The following ANKRD50 variants were observed in gnomAD, a reference collection of about 807,000 sequenced individuals.
ANKRD50 encodes the protein ankyrin repeat domain-containing protein 50.
In ANKRD50, 40 loss-of-function variants were observed where a neutral mutation model predicts 112.0. The ratio of observed to expected loss-of-function variants is 0.36; its 90% CI spans 0.28 to 0.46. ANKRD50 has a LOEUF of 0.46. Among genes scored for constraint, ANKRD50 ranks in the 20% least tolerant of loss-of-function variants. The pLI is 1.00. For synonymous variants in ANKRD50, 613 were observed against 619.1 expected, an observed-to-expected ratio of 0.99 and a Z score of 0.15; for missense variants, 1,487 against 1,701.7, an observed-to-expected ratio of 0.87 and a Z score of 2.22.
intron 2 of ANKRD50, among the ~76,000 whole-genome samples, chr4:124,701,512 T>C (rs1398459810): frequency 1.3e-5 from 2 of 152,186 alleles, no homozygotes; most frequent in East Asian, 3.9e-4. Flanking sequence ...TTAAAGACTA[T>C]ACTTAGCTAA....
intron 2 of ANKRD50, among the ~76,000 whole-genome samples, chr4:124,694,448 T>C (rs1485423467): frequency 1.3e-5 from 2 of 152,194 alleles, no homozygotes; most frequent in African/African-American, 4.8e-5. Context: ...AATCTCTAGC[T>C]TGCCAAGAAA....
intron 2 of ANKRD50, among the ~76,000 whole-genome samples, chr4:124,690,311 A>C (rs1220419133): frequency 6.6e-6 from 1 of 152,258 alleles, no homozygotes; most frequent in Non-Finnish European, 1.5e-5. Context: ...CCCAGCTTCC[A>C]GAAAAATGGC....
intron 2 of ANKRD50, among the ~76,000 whole-genome samples, chr4:124,687,238 A>G (rs908808441): frequency 1.3e-5 from 2 of 152,186 alleles, no homozygotes. Context: ...AGGTAATTCA[A>G]TTGAGAAAGG....
rs147708045 is a variant in ANKRD50, at chr4:124,689,388, C to T, written c.513-10483G>A. Among the ~76,000 whole-genome samples the T allele has an allele frequency of 5.4e-3, 817 of 152,248 alleles. 5 individuals carry two copies. Among genetic ancestry groups the T allele is most frequent in the Non-Finnish European group, 9.5e-3 (643 of 68,012 alleles). On this transcript the variant is annotated intron_variant, in intron 2 of 4. Coordinates refer to ENST00000504087, the MANE Select transcript of ANKRD50 (RefSeq NM_020337.3). The stretch of plus-strand genomic sequence containing the variant: ...TGTGATGGTTCATTTTATGTGCCAA[C>T]TTGACTGGGTGACAGGGTGCCCAGA...
chr4:124,702,771 G>A (rs1272262081), intron 2 of ANKRD50, among the ~76,000 whole-genome samples: 1 of 152,118 alleles, frequency 6.6e-6, no homozygotes, highest in East Asian at 1.9e-4. Context: ...TTTGTTCAAT[G>A]TATTTTACCT....
intron 2 of ANKRD50, among the ~76,000 whole-genome samples, chr4:124,709,081 A>C (rs1725569886): frequency 6.6e-6 from 1 of 151,194 alleles, no homozygotes; most frequent in Admixed American, 6.6e-5. Flanking sequence ...ACACACACAC[A>C]AACCTCCAGT....
rs767573228 is a variant in ANKRD50, at chr4:124,670,109, C to T, written c.3168G>A (p.Gly1056=). 5.0e-6 allele frequency: 8 copies of T among 1,613,368 alleles called. No homozygotes were observed. Among genetic ancestry groups the T allele is most frequent in the Middle Eastern group, 1.7e-4 (1 of 6,050 alleles). The change falls in exon 4 of 5, where the codon GGG becomes GGA. Residue 1056 remains glycine, a synonymous_variant. Coordinates refer to ENST00000504087, the MANE Select transcript of ANKRD50 (RefSeq NM_020337.3). ...ATAAGACCTGAACAACATCAATGTGCCCTTCCTGGGCTGCAATACAGAGTG... is the reference window on the plus strand; with the variant it reads ...ATAAGACCTGAACAACATCAATGTGTCCTTCCTGGGCTGCAATACAGAGTG... ...ATALCIAAQE[G]HIDVVQVLLE...
In ANKRD50 at chr4:124,671,118, C is replaced by A. The variant is rs1560818814; in HGVS notation, c.2159G>T (p.Cys720Phe). 6.2e-7 allele frequency: 1 copy of A among 1,613,820 alleles called. No individual in the cohort carries two copies. Among genetic ancestry groups the A allele is most frequent in the Admixed American group, 1.7e-5 (1 of 59,946 alleles). The change falls in exon 4 of 5, where the codon TGT becomes TTT. Residue 720 changes from cysteine to phenylalanine, a missense_variant. By Grantham distance (205) the Cys-to-Phe change is radical. Coordinates refer to ENST00000504087, the MANE Select transcript of ANKRD50 (RefSeq NM_020337.3). ...GRTALSVAAL[C>F]VPASKGHASV... Reference sequence around the variant, plus strand: ...TGCGTGCCCTTTACTTGCAGGCACACAAAGTGCAGCTACAGAGAGTGCAGT... The same window carrying A: ...TGCGTGCCCTTTACTTGCAGGCACAAAAAGTGCAGCTACAGAGAGTGCAGT...
rs143600791 is a variant in ANKRD50, at chr4:124,702,219, T to C, written c.512+7781A>G. On this transcript the variant is annotated intron_variant, in intron 2 of 4. Transcript: ENST00000504087. The stretch of plus-strand genomic sequence containing the variant: ...AAATTTGAATTTGTTATGTGGGTTA[T>C]CACAGGCTCAGAGGAATGTCCTAAA... Among the ~76,000 whole-genome samples the C allele has an allele frequency of 9.2e-5, 14 of 152,320 alleles. No homozygotes were observed. In the East Asian group the frequency reaches 2.7e-3, roughly 29 times the overall value.
In ANKRD50 at chr4:124,665,083, G is replaced by A. The variant is rs1281456580; in HGVS notation, c.*2435C>T. ...TCTATTAAGGAGTTTTATATTTGGA[G>A]GACAATTTTTACTTTTTAATGGAGC... On this transcript the variant is annotated 3_prime_UTR_variant, in exon 5 of 5. Transcript: ENST00000504087. 1 of 151,692 alleles carries A rather than the reference G, an allele frequency of 6.6e-6. No individual in the cohort carries two copies. The highest frequency in any genetic ancestry group is 1.5e-5 in the Non-Finnish European group (1 of 67,772). The allele number at this position is 151,692 out of a possible 1,614,324, so 9.4% of individuals were successfully genotyped here. A position where few individuals can be genotyped will look rare whatever the true frequency, so the allele number is the denominator to read the frequency against.
chr4:124,693,741 CT>C (rs1725189162), intron 2 of ANKRD50, among the ~76,000 whole-genome samples: 1 of 152,068 alleles, frequency 6.6e-6, no homozygotes, highest in Non-Finnish European at 1.5e-5. Context: ...TTTATCCATT[CT>C]GATTCTGAAG....
In ANKRD50 at chr4:124,669,961, T is replaced by C; in HGVS notation, c.3316A>G (p.Asn1106Asp). 1.9e-6 allele frequency: 3 copies of C among 1,611,884 alleles called. No individual in the cohort carries two copies. The highest frequency in any genetic ancestry group is 2.5e-6 in the Non-Finnish European group (3 of 1,179,496). Residue 1106 changes from asparagine (N) to aspartate (D), a missense_variant, in exon 4 of 5, where the codon AAT becomes GAT. This residue lies in a region of ANKRD50 where 441 missense variants were observed against 432.2 expected (regional missense o/e 1.02). Transcript: ENST00000504087. ...TGAACAGGAGATGGGGAACAGCCAT[T>C]CAAACTAGATGCACCATATTTTTCT... ...LLEKYGASSL[N>D]GCSPSPVHTM...
At position 124,697,084 on chromosome 4, in the gene ANKRD50, G is replaced by C. The variant is rs1725271988; in HGVS notation, c.512+12916C>G. On this transcript the variant is annotated intron_variant, in intron 2 of 4. Transcript: ENST00000504087. ...ATTTATTAAAAAAGAGAAGACTAAG[G>C]GAGCAGCAACATGTGGGATGGAAGT... is the stretch of plus-strand genomic sequence containing the variant. 2.0e-5 allele frequency among the ~76,000 whole-genome samples: 3 copies of C among 152,072 alleles called. 1 individual carries two copies. In the South Asian group the frequency reaches 6.2e-4, roughly 32 times the overall value.
intron 2 of ANKRD50, among the ~76,000 whole-genome samples, chr4:124,696,756 CA>C (rs1461536082): frequency 2.0e-5 from 3 of 151,922 alleles, no homozygotes. Flanking sequence ...ATTGTTTTAT[CA>C]AAATGTTATT....
intron 2 of ANKRD50, among the ~76,000 whole-genome samples, chr4:124,707,846 A>G (rs1231102163): frequency 6.6e-6 from 1 of 152,172 alleles, no homozygotes; most frequent in Non-Finnish European, 1.5e-5. Context: ...AAAAAATAAA[A>G]GAAACAATTG....
In ANKRD50 at chr4:124,679,034, T is replaced by G. The variant is rs955623949; in HGVS notation, c.513-129A>C. The G allele has an allele frequency of 1.1e-5, 8 of 700,108 alleles. No individual in the cohort carries two copies. In the African/African-American group the frequency reaches 1.3e-4, roughly 11 times the overall value. 43.4% of individuals were successfully genotyped at this position (700,108 alleles called of 1,614,324 possible). On this transcript the variant is annotated intron_variant, in intron 2 of 4. Transcript: ENST00000504087. ...AATAAGGTATTAGAACAAAAAATAT[T>G]ATACAAGTTTCAATTCCTTACTTTA...
In ANKRD50 at chr4:124,710,049, G is replaced by A; in HGVS notation, c.463C>T (p.Leu155Phe). 6.2e-7 allele frequency: 1 copy of A among 1,614,138 alleles called. No homozygotes were observed. Among genetic ancestry groups the A allele is most frequent in the Non-Finnish European group, 8.5e-7 (1 of 1,180,042 alleles). Residue 155 changes from leucine to phenylalanine, a missense_variant, in exon 2 of 5, where the codon CTC (leucine) becomes TTC (phenylalanine). This residue lies in a region of ANKRD50 where 1,046 missense variants were observed against 1,269.5 expected (regional missense o/e 0.82). Coordinates refer to ENST00000504087, the MANE Select transcript of ANKRD50 (RefSeq NM_020337.3). ...DKLRDPAVQS[L>F]LQPGECERNP... is the part of the protein sequence containing the mutation. ...CTCTCGCACTCCCCAGGCTGTAAGA[G>A]GCTTTGGACTGCTGGATCCCTTAGC...
chr4:124,686,819 A>ATTAT (rs1390519105), intron 2 of ANKRD50, among the ~76,000 whole-genome samples: 1 of 152,140 alleles, frequency 6.6e-6, no homozygotes, highest in African/African-American at 2.4e-5. Flanking sequence ...AATACAACAT[A>ATTAT]TTATTAGAAG....
chr4:124,691,524 A>AAT, intron 2 of ANKRD50, among the ~76,000 whole-genome samples: 2 of 148,820 alleles, frequency 1.3e-5, no homozygotes, highest in East Asian at 3.9e-4. Flanking sequence ...AAAAAAAAAA[A>AAT]GGAGAACAGT....
Sources: gnomAD v4.1 joint callset for allele counts (sites outside exome capture counted in the v4.1 genomes callset) on GRCh38, gnomAD v4.1.1 for gene constraint, gnomAD v4.1.1 regional missense constraint, MANE v1.5 for transcripts, NCBI Gene and HGNC (gene_info 2026-07-23, HGNC 2026-07-21) for gene names.